The following WASHC4 variants were observed in gnomAD, a reference collection of about 807,000 sequenced individuals.
WASHC4 encodes the protein WASH complex subunit 7.
A neutral mutation model predicts 166.6 loss-of-function variants in WASHC4; 86 were observed. The ratio of observed to expected loss-of-function variants is 0.52; its 90% CI spans 0.43 to 0.62. The LOEUF (loss-of-function observed/expected upper bound fraction) is 0.62, where lower values mean the gene tolerates loss of function less well. WASHC4 is among the 20% of genes least tolerant of loss of function. WASHC4 has a pLI of 0.00. For missense variants in WASHC4, 1,262 were observed against 1,382.4 expected, an observed-to-expected ratio of 0.91 and a Z score of 1.38; for synonymous variants, 446 against 451.6, an observed-to-expected ratio of 0.99 and a Z score of 0.16.
At position 105,137,985 on chromosome 12, in the gene WASHC4, T is replaced by G; in HGVS notation, c.1426T>G (p.Leu476Val). The change falls in exon 15 of 33, where the codon TTG becomes GTG. Residue 476 changes from leucine to valine, a missense_variant. Transcript: ENST00000332180. The part of the protein sequence containing the change: ...KPMTKTSVKA[L>V]CRLVELLKAI... ...AATGACCAAAACCTCAGTTAAGGCA[T>G]TGTGCAGGCTTGTTGAACTTCTCAA... is the stretch of plus-strand genomic sequence containing the variant. The G allele has an allele frequency of 6.2e-7, 1 of 1,613,034 alleles. No individual in the cohort carries two copies. Among genetic ancestry groups the G allele is most frequent in the Non-Finnish European group, 8.5e-7 (1 of 1,179,276 alleles).
intron 24 of WASHC4, chr12:105,147,691 A>T: frequency 1.7e-6 from 1 of 574,916 alleles, no homozygotes; most frequent in Non-Finnish European, 2.2e-6. Context: ...GGATCACCTG[A>T]GGTTGGGAGT....
chr12:105,141,396 G>T (rs977296180), intron 18 of WASHC4, 150 bp downstream of exon 18: 8 of 732,506 alleles, frequency 1.1e-5, no homozygotes, highest in Admixed American at 1.9e-5. Context: ...AAATGAGATT[G>T]TGACTAGGGA....
intron 24 of WASHC4, chr12:105,148,614 A>G (rs1050922344): frequency 2.0e-6 from 2 of 985,212 alleles, no homozygotes; most frequent in African/African-American, 3.5e-5. Context: ...TTTTTTAAAA[A>G]TGCAAAGAAA....
intron 1 of WASHC4, among the ~76,000 whole-genome samples, chr12:105,108,548 A>G (rs1220052382): frequency 6.6e-6 from 1 of 152,196 alleles, no homozygotes; most frequent in African/African-American, 2.4e-5. Flanking sequence ...ACAAGATCGA[A>G]TTGTCTGATT....
intron 26 of WASHC4, among the ~76,000 whole-genome samples, chr12:105,153,330 G>GT (rs1307589168): frequency 6.6e-6 from 1 of 152,038 alleles, no homozygotes; most frequent in African/African-American, 2.4e-5. Context: ...GAGACTTTAG[G>GT]TTTACTAGTG....
chr12:105,139,413 A>ATGTGTGTGTG (rs1374833618), intron 15 of WASHC4, among the ~76,000 whole-genome samples: 9 of 69,322 alleles, frequency 1.3e-4, no homozygotes, highest in African/African-American at 5.7e-4. Flanking sequence ...CAGACTATAT[A>ATGTGTGTGTG]TATGTGTGTG....
chr12:105,155,745 G>A (rs1884110642), intron 26 of WASHC4, among the ~76,000 whole-genome samples: 1 of 152,186 alleles, frequency 6.6e-6, no homozygotes, highest in Non-Finnish European at 1.5e-5. Flanking sequence ...GGGAGGCTGA[G>A]GCAGGAGAAT....
intron 25 of WASHC4, among the ~76,000 whole-genome samples, chr12:105,151,959 G>A (rs1486192900): frequency 4.6e-5 from 7 of 152,148 alleles, no homozygotes; most frequent in African/African-American, 1.4e-4. Flanking sequence ...CCCAGCTGAC[G>A]TGTGTTCATT....
intron 19 of WASHC4, 34 bp from the exon 20 acceptor site, chr12:105,143,093 T>C: frequency 2.2e-6 from 3 of 1,374,832 alleles, no homozygotes; most frequent in Non-Finnish European, 2.1e-6. Flanking sequence ...ACCTGGTTTT[T>C]CTAAATTCAT....
rs780920383 is a variant in WASHC4, at chr12:105,147,070, A to G, written c.2438A>G (p.Lys813Arg). The change falls in exon 24 of 33, where the codon AAG (lysine) becomes AGG (arginine). Residue 813 changes from lysine (K) to arginine (R), a missense_variant. Coordinates refer to ENST00000332180, the MANE Select transcript of WASHC4 (RefSeq NM_015275.3). ...TTTATTGAACGAACAAGCAATAACA[A>G]GCATTTGAATACTATTAATATTCGG... The part of the protein sequence containing the change: ...QIFIERTSNN[K>R]HLNTINIRHI... The G allele has an allele frequency of 3.1e-6, 5 of 1,609,720 alleles. No homozygotes were observed. The African/African-American group carries it at 5.3e-5, about 17-fold the overall frequency.
chr12:105,132,364 GT>G (rs1046285439), intron 13 of WASHC4, among the ~76,000 whole-genome samples: 1 of 152,150 alleles, frequency 6.6e-6, no homozygotes, highest in Admixed American at 6.5e-5. Context: ...TAGAGATGGG[GT>G]TTCACCATGT....
In WASHC4 at chr12:105,114,437, T is replaced by C; in HGVS notation, c.321+10T>C. ...GAAATTAAAATATGAGGTAATTATTTGAATTCTTGTCTTAAAACTTTAAAA... is the reference window on the plus strand; with the variant it reads ...GAAATTAAAATATGAGGTAATTATTCGAATTCTTGTCTTAAAACTTTAAAA... On this transcript the variant is annotated intron_variant, in intron 4 of 32. Coordinates refer to ENST00000332180, the MANE Select transcript of WASHC4 (RefSeq NM_015275.3). The C allele has an allele frequency of 1.3e-6, 2 of 1,539,684 alleles. No homozygotes were observed. The highest frequency in any genetic ancestry group is 1.8e-6 in the Non-Finnish European group (2 of 1,125,370).
At chr12:105,161,358 G>A (rs1044004836) in intron 29 of WASHC4, among the ~76,000 whole-genome samples, 12 of 151,994 alleles carry the variant, frequency 7.9e-5, no homozygotes, top group African/African-American at 2.9e-4. Flanking sequence ...TATTCATCTT[G>A]TAAGAATCTT....
chr12:105,110,399 T>C (rs905881888), intron 1 of WASHC4, among the ~76,000 whole-genome samples: 1 of 152,246 alleles, frequency 6.6e-6, no homozygotes, highest in Non-Finnish European at 1.5e-5. Flanking sequence ...TGAATTTTTA[T>C]GTGTAACGTG....
Position 105,149,760 on chromosome 12 carries a change from T to C in WASHC4, c.2649+11T>C. On this transcript the variant is annotated intron_variant, in intron 25 of 32. Transcript: ENST00000332180. The stretch of plus-strand genomic sequence containing the variant: ...CAAAATGATCATAAGGTAGGCTACC[T>C]ATTCTTTTTAAGGTATTTGATTAAG... The C allele has an allele frequency of 6.3e-7, 1 of 1,587,994 alleles. No individual in the cohort carries two copies. Among genetic ancestry groups the C allele is most frequent in the Non-Finnish European group, 8.6e-7 (1 of 1,162,386 alleles).
chr12:105,159,790 T>C (rs534603036), intron 28 of WASHC4, among the ~76,000 whole-genome samples: 2 of 152,374 alleles, frequency 1.3e-5, no homozygotes, highest in East Asian at 3.9e-4. Context: ...GATGTTCTAA[T>C]AGTCTATTTT....
chr12:105,151,719 A>G (rs1402876270), intron 25 of WASHC4, among the ~76,000 whole-genome samples: 1 of 152,176 alleles, frequency 6.6e-6, no homozygotes, highest in Non-Finnish European at 1.5e-5. Context: ...TGACCTAGTG[A>G]TCTGCCTGCC....
chr12:105,120,082 CAAAACAAAACAAA>C (rs1565996872), intron 7 of WASHC4, among the ~76,000 whole-genome samples: 2 of 151,914 alleles, frequency 1.3e-5, no homozygotes, highest in African/African-American at 4.8e-5. Context: ...AAAGGAAAAA[CAAAACAAAACAAA>C]AAAACAAAAG....
At chr12:105,109,408 C>G (rs1248329148) in intron 1 of WASHC4, among the ~76,000 whole-genome samples, 1 of 152,118 alleles carries the variant, frequency 6.6e-6, no homozygotes, top group African/African-American at 2.4e-5. Flanking sequence ...AAAGATAAAA[C>G]AAGGAGTGCA....
Sources: gnomAD v4.1 joint callset for allele counts (sites outside exome capture counted in the v4.1 genomes callset) on GRCh38, gnomAD v4.1.1 for gene constraint, MANE v1.5 for transcripts, NCBI Gene and HGNC (gene_info 2026-07-23, HGNC 2026-07-21) for gene names.